NUDT22: variants seen among roughly 807,000 people sequenced by gnomAD.
NUDT22 encodes the protein uridine diphosphate glucose pyrophosphatase NUDT22.
A neutral mutation model predicts 28.8 loss-of-function variants in NUDT22; 23 were observed. The ratio of observed to expected loss-of-function variants is 0.80; its 90% CI spans 0.58 to 1.13. The LOEUF is 1.13. Ranked by LOEUF, NUDT22 falls within the 50% of genes most tolerant of loss-of-function variation. NUDT22 has a pLI of 0.00. For synonymous variants in NUDT22, 175 were observed against 173.7 expected, an observed-to-expected ratio of 1.01 and a Z score of -0.06; for missense variants, 358 against 387.3, an observed-to-expected ratio of 0.92 and a Z score of 0.64.
chr11:64,227,744 C>A, intron 3 of NUDT22, 78 bp downstream of exon 3: 2 of 1,215,176 alleles, frequency 1.6e-6, no homozygotes, highest in Non-Finnish European at 1.2e-6. Context: ...CAGGTCTGGG[C>A]TGGCAGGAGG....
chr11:64,227,540 A>G (rs1591067801), intron 2 of NUDT22, 28 bp from the exon 3 acceptor site: 1 of 1,564,900 alleles, frequency 6.4e-7, no homozygotes, highest in Non-Finnish European at 8.8e-7. Context: ...AGAGGTGGGG[A>G]GCAGGGGCTG....
At chr11:64,227,248 T>C (rs148094495) in intron 2 of NUDT22, 116 bp downstream of exon 2, 4 of 1,326,640 alleles carry the variant, frequency 3.0e-6, no homozygotes, top group Non-Finnish European at 4.2e-6. Flanking sequence ...ATTGGCCTGG[T>C]ATTTCTCTGG....
rs964708709 is a variant in NUDT22, at chr11:64,227,064, C to T, written c.412C>T (p.Arg138Cys). The change falls in exon 2 of 6, where the codon CGC (arginine) becomes TGC (cysteine). Residue 138 changes from arginine to cysteine, a missense_variant. Transcript: ENST00000279206. ...AGCCGATGACTTCCTTGTCTTCCTG[C>T]GCCGCTCCCGGCAGGTGGCTGAGGC... ...ATADDFLVFL[R>C]RSRQVAEAPG... The T allele has an allele frequency of 6.9e-6, 11 of 1,601,654 alleles. No individual in the cohort carries two copies. The African/African-American group carries it at 1.2e-4, about 18-fold the overall frequency.
intron 2 of NUDT22, 64 bp downstream of exon 2, chr11:64,227,196 C>T: frequency 6.6e-7 from 1 of 1,522,588 alleles, no homozygotes; most frequent in Non-Finnish European, 8.8e-7. Context: ...CTCCACCCTC[C>T]CAATCCTCCC....
rs372677863 is a variant in NUDT22 at position 64,226,706 on chromosome 11, G to A, written c.54G>A (p.Gln18=). ...AGTGCCCTGGCGGGGGCCTGCCCCA[G>A]GAGCAGATACAGGCCGAGCTGAGCC... ...LLQCPGGGLP[Q]EQIQAELSPA... Residue 18 remains glutamine (Q), a synonymous_variant, in exon 2 of 6, where the codon CAG becomes CAA. Coordinates refer to ENST00000279206, the MANE Select transcript of NUDT22 (RefSeq NM_032344.4). 1.2e-5 allele frequency: 19 copies of A among 1,610,048 alleles called. No homozygotes were observed. Among genetic ancestry groups the A allele is most frequent in the African/African-American group, 5.3e-5 (4 of 74,892 alleles).
chr11:64,227,055 G>T lies in NUDT22; in HGVS notation c.403G>T (p.Val135Phe). 6.2e-7 allele frequency: 1 copy of T among 1,603,362 alleles called. No homozygotes were observed. Residue 135 changes from valine (V) to phenylalanine (F), a missense_variant, in exon 2 of 6, where the codon GTC (valine) becomes TTC (phenylalanine). Transcript: ENST00000279206. ...AALATADDFL[V>F]FLRRSRQVAE... ...ACTAGCCACAGCCGATGACTTCCTT[G>T]TCTTCCTGCGCCGCTCCCGGCAGGT...
At position 64,227,551 on chromosome 11, in the gene NUDT22, A is replaced by G. The variant is rs1357660967; in HGVS notation, c.481-17A>G. On this transcript the variant is annotated splice_polypyrimidine_tract_variant and intron_variant, in intron 2 of 5. Transcript: ENST00000279206. ...GGGAAGAGGTGGGGAGCAGGGGCTG[A>G]GCCTGACCTCTCACAGGCCCTGTGC... The G allele has an allele frequency of 1.2e-6, 2 of 1,603,400 alleles. No individual in the cohort carries two copies. Among genetic ancestry groups the G allele is most frequent in the African/African-American group, 1.3e-5 (1 of 74,748 alleles).
chr11:64,226,585 G>T, intron 1 of NUDT22, 50 bp from the exon 2 acceptor site: 5 of 1,518,764 alleles, frequency 3.3e-6, no homozygotes, highest in Non-Finnish European at 2.6e-6. Flanking sequence ...CGCAGCCCAG[G>T]AGTGGTAGTG....
At chr11:64,230,171 T>C (rs1181715387), downstream of NUDT22, 1 of 774,956 alleles carries the variant, frequency 1.3e-6, no homozygotes, top group African/African-American at 1.7e-5. Flanking sequence ...TCCCTTTCTT[T>C]GCTGGCTCCA....
At chr11:64,229,092 T>C in intron 3 of NUDT22, 155 bp from the exon 4 acceptor site, 1 of 580,442 alleles carries the variant, frequency 1.7e-6, no homozygotes. Flanking sequence ...AAAACAAACA[T>C]GCCCATCATC....
Position 64,226,354 on chromosome 11 carries a change from C to T in NUDT22, c.-92C>T, listed in dbSNP as rs1947017730. Reference sequence around the variant, plus strand: ...GCCCTGGAAAGGGGTCCCCGCGCGCCCCGGGTCGGAGGCAGACCCCTGGGT... The same window carrying T: ...GCCCTGGAAAGGGGTCCCCGCGCGCTCCGGGTCGGAGGCAGACCCCTGGGT... On this transcript the variant is annotated 5_prime_UTR_variant, in exon 1 of 6. Transcript: ENST00000279206. 3 of 1,236,326 alleles carry T rather than the reference C, an allele frequency of 2.4e-6. No individual in the cohort carries two copies. Among genetic ancestry groups the T allele is most frequent in the South Asian group, 3.1e-5 (1 of 32,358 alleles). The allele number at this position is 1,236,326 out of a possible 1,614,324, so 76.6% of individuals were successfully genotyped here.
At position 64,227,617 on chromosome 11, in the gene NUDT22, T is replaced by C. The variant is rs1166332876; in HGVS notation, c.530T>C (p.Leu177Pro). 6.2e-7 allele frequency: 1 copy of C among 1,614,078 alleles called. No individual in the cohort carries two copies. Among genetic ancestry groups the C allele is most frequent in the Non-Finnish European group, 8.5e-7 (1 of 1,180,008 alleles). The change falls in exon 3 of 6, where the codon CTG (leucine) becomes CCG (proline). Residue 177 changes from leucine (L) to proline (P), a missense_variant. Transcript: ENST00000279206. ...SPQHQDLAGQ[L>P]VVHELFSSVL... is the part of the protein sequence containing the mutation. ...CAGCACCAGGACCTCGCTGGGCAGCTGGTGGTACATGAACTCTTTTCCAGT... is the reference window on the plus strand; with the variant it reads ...CAGCACCAGGACCTCGCTGGGCAGCCGGTGGTACATGAACTCTTTTCCAGT...
chr11:64,227,444 G>C, intron 2 of NUDT22, 124 bp from the exon 3 acceptor site: 1 of 804,186 alleles, frequency 1.2e-6, no homozygotes, highest in Non-Finnish European at 2.2e-6. Context: ...CCAGACTCAG[G>C]ATCACTAACT....
chr11:64,229,801 CAGG>C lies in NUDT22; in HGVS notation c.772-46_772-44del, dbSNP rs777336627. 26 of 1,609,838 alleles carry C rather than the reference CAGG, an allele frequency of 1.6e-5. No individual in the cohort carries two copies. In the Admixed American group the frequency reaches 1.7e-4, roughly 10 times the overall value. ...TCAGGAATTCTGGGCACAGCCCTGG[CAGG>C]AGAAGTGGCAAGCTTGAATGCCTGG... On this transcript the variant is annotated intron_variant, in intron 5 of 5. Coordinates refer to ENST00000279206, the MANE Select transcript of NUDT22 (RefSeq NM_032344.4).
In NUDT22 at chr11:64,227,009, C is replaced by T; in HGVS notation, c.357C>T (p.Asp119=). 1 of 1,603,114 alleles carries T rather than the reference C, an allele frequency of 6.2e-7. No homozygotes were observed. The highest frequency in any genetic ancestry group is 8.5e-7 in the Non-Finnish European group (1 of 1,179,820). The change falls in exon 2 of 6, where the codon GAC becomes GAT. Residue 119 remains aspartate (D), a synonymous_variant. Transcript: ENST00000279206. Reference sequence around the variant, plus strand: ...GTGACACGCAGGCCTATCTGGCGGACCCACTGGGGGTGGGCGCTGCACTAG... The same window carrying T: ...GTGACACGCAGGCCTATCTGGCGGATCCACTGGGGGTGGGCGCTGCACTAG... ...DWGDTQAYLA[D]PLGVGAALAT...
In NUDT22 at chr11:64,229,655, T is replaced by C. The variant is rs1035854175; in HGVS notation, c.771+84T>C. 6 of 1,412,958 alleles carry C rather than the reference T, an allele frequency of 4.2e-6. No individual in the cohort carries two copies. In the African/African-American group the frequency reaches 8.4e-5, roughly 20 times the overall value. The allele number at this position is 1,412,958 out of a possible 1,614,324, so 87.5% of individuals were successfully genotyped here. A position where few individuals can be genotyped will look rare whatever the true frequency, so the allele number is the denominator to read the frequency against. Reference sequence around the variant, plus strand: ...CAATGCATATCTTGTAGGGGAGGTGTTGGCTGGGTCACAATTCCCTCCAGA... The same window carrying C: ...CAATGCATATCTTGTAGGGGAGGTGCTGGCTGGGTCACAATTCCCTCCAGA... On this transcript the variant is annotated intron_variant, in intron 5 of 5. Transcript: ENST00000279206.
chr11:64,226,328 G>T lies in NUDT22; in HGVS notation c.-118G>T. ...CGCCCGCTGGAGGCTGGAGCTTCCG[G>T]GCCCTGGAAAGGGGTCCCCGCGCGC... On this transcript the variant is annotated 5_prime_UTR_variant, in exon 1 of 6. Coordinates refer to ENST00000279206, the MANE Select transcript of NUDT22 (RefSeq NM_032344.4). 1 of 1,173,448 alleles carries T rather than the reference G, an allele frequency of 8.5e-7. No homozygotes were observed. The highest frequency in any genetic ancestry group is 3.1e-5 in the South Asian group (1 of 32,176). The allele number at this position is 1,173,448 out of a possible 1,614,324, so 72.7% of individuals were successfully genotyped here.
At chr11:64,229,432 C>T (rs777620468) in intron 4 of NUDT22, 46 bp from the exon 5 acceptor site, 46 of 1,606,974 alleles carry the variant, frequency 2.9e-5, no homozygotes, top group East Asian at 4.5e-5. Context: ...ACAGGTACCC[C>T]GCAGGGGCTG....
chr11:64,229,035 G>A (rs118154228), intron 3 of NUDT22: 11,622 of 538,566 alleles, frequency 0.022, 177 homozygotes, highest in Non-Finnish European at 0.031. Flanking sequence ...CTTCTCTTGG[G>A]TGACCTTGGG....
Sources: allele counts gnomAD v4.1 joint callset, GRCh38; gene constraint gnomAD v4.1.1; transcripts MANE v1.5; gene names NCBI Gene and HGNC (gene_info 2026-07-23, HGNC 2026-07-21).